ST6GALNAC3: variants seen among roughly 807,000 people sequenced by gnomAD.
ST6GALNAC3 encodes ST6 N-acetylgalactosaminide alpha-2,6-sialyltransferase 3, also known as alpha-N-acetylgalactosaminide alpha-2,6-sialyltransferase 3.
ST6GALNAC3 carries 25 observed loss-of-function variants against 32.7 expected under a neutral mutation model. That is an observed-to-expected ratio of 0.76 (90% CI 0.56 to 1.07). The LOEUF (loss-of-function observed/expected upper bound fraction) is 1.07, where lower values mean the gene tolerates loss of function less well. ST6GALNAC3 is among the 50% of genes least tolerant of loss of function. The probability of loss-of-function intolerance (pLI) is 0.00; values close to 1 mark genes in which losing one functional copy is unlikely to be tolerated. For synonymous variants in ST6GALNAC3, 129 were observed against 133.1 expected (o/e 0.97, Z 0.21); for missense variants, 355 against 382.4 (o/e 0.93, Z 0.60).
intron 2 of ST6GALNAC3, among the ~76,000 whole-genome samples, chr1:76,381,024 C>G (rs1651662734): frequency 6.6e-6 from 1 of 151,870 alleles, no homozygotes; most frequent in South Asian, 2.1e-4. Flanking sequence ...GTGTGTAACT[C>G]AGGAGTGTCA....
At position 76,408,417 on chromosome 1, in the gene ST6GALNAC3, C is replaced by A. The variant is rs377151134; in HGVS notation, c.214-3591C>A. Among the ~76,000 whole-genome samples the A allele has an allele frequency of 3.9e-5, 6 of 152,040 alleles. No individual in the cohort carries two copies. In the East Asian group the frequency reaches 9.6e-4, roughly 24 times the overall value. On this transcript the variant is annotated intron_variant, in intron 2 of 4. Coordinates refer to ENST00000328299, the MANE Select transcript of ST6GALNAC3 (RefSeq NM_152996.4). ...ACAAAGTGGCAATTTTATAGATCAC[C>A]ATCTACCCTCAAAGCCGTTGCATTC...
At chr1:76,200,318 G>A (rs528717660) in intron 1 of ST6GALNAC3, among the ~76,000 whole-genome samples, 2 of 152,232 alleles carry the variant, frequency 1.3e-5, no homozygotes, top group East Asian at 3.9e-4. Context: ...GAATGAATGG[G>A]GAGAAGCAAA....
chr1:76,204,870 G>A (rs1436437713), intron 1 of ST6GALNAC3, among the ~76,000 whole-genome samples: 1 of 152,264 alleles, frequency 6.6e-6, no homozygotes, highest in East Asian at 1.9e-4. Context: ...AATAGCCTTG[G>A]ATTCTTATAT....
chr1:76,122,094 A>G (rs1280132539), intron 1 of ST6GALNAC3, among the ~76,000 whole-genome samples: 1 of 152,122 alleles, frequency 6.6e-6, no homozygotes, highest in African/African-American at 2.4e-5. Flanking sequence ...ACGACTGACC[A>G]TGTATTGTGT....
At chr1:76,290,637 G>T (rs1660031229) in intron 1 of ST6GALNAC3, among the ~76,000 whole-genome samples, 1 of 152,192 alleles carries the variant, frequency 6.6e-6, no homozygotes, top group Non-Finnish European at 1.5e-5. Flanking sequence ...TCCAGGACCA[G>T]AAGCCAGGTC....
intron 1 of ST6GALNAC3, among the ~76,000 whole-genome samples, chr1:76,188,408 T>G (rs1294870210): frequency 2.0e-5 from 3 of 152,204 alleles, no homozygotes; most frequent in African/African-American, 7.2e-5. Flanking sequence ...TGAAAATGAT[T>G]ATTATAGTGT....
At chr1:76,421,874 C>T (rs1243476844) in intron 3 of ST6GALNAC3, among the ~76,000 whole-genome samples, 1 of 151,856 alleles carries the variant, frequency 6.6e-6, no homozygotes, top group African/African-American at 2.4e-5. Flanking sequence ...CCTCCATTTT[C>T]CTTAGAATAA....
intron 3 of ST6GALNAC3, among the ~76,000 whole-genome samples, chr1:76,504,205 T>A (rs1661339760): frequency 6.6e-6 from 1 of 152,196 alleles, no homozygotes; most frequent in African/African-American, 2.4e-5. Flanking sequence ...GGCTGCTGAC[T>A]ACACCTGGCA....
Position 76,209,185 on chromosome 1 carries a change from G to T in ST6GALNAC3, c.19-104620G>T, listed in dbSNP as rs1489264244. The stretch of plus-strand genomic sequence containing the variant: ...CTAAGTTGCATTGTCTTCAGAGGAG[G>T]TTTTTGAGGTTGTGTCTATTATAAT... On this transcript the variant is annotated intron_variant, in intron 1 of 4. Coordinates refer to ENST00000328299, the MANE Select transcript of ST6GALNAC3 (RefSeq NM_152996.4). Among the ~76,000 whole-genome samples, 3 of 152,302 alleles carry T rather than the reference G, an allele frequency of 2.0e-5. No individual in the cohort carries two copies. In the East Asian group the frequency reaches 5.8e-4, roughly 29 times the overall value.
chr1:76,097,888 A>G lies in ST6GALNAC3; in HGVS notation c.18+23004A>G, dbSNP rs1647162745. Among the ~76,000 whole-genome samples, 2 of 151,830 alleles carry G rather than the reference A, an allele frequency of 1.3e-5. 1 individual carries two copies. Among genetic ancestry groups the G allele is most frequent in the South Asian group, 4.1e-4 (2 of 4,822 alleles). ...GTGGTATTGTTGGGGCATAAGATAT[A>G]TGTTATCTTTGGCCTTAGTAGTATA... On this transcript the variant is annotated intron_variant, in intron 1 of 4. Transcript: ENST00000328299.
rs11801997 is a variant in ST6GALNAC3, at chr1:76,592,742, C to T, written c.624-34710C>T. Among the ~76,000 whole-genome samples, 885 of 152,258 alleles carry T rather than the reference C, an allele frequency of 5.8e-3. 6 individuals carry two copies. Among genetic ancestry groups the T allele is most frequent in the African/African-American group, 0.02 (835 of 41,536 alleles). On this transcript the variant is annotated intron_variant, in intron 3 of 4. Transcript: ENST00000328299. Reference sequence around the variant, plus strand: ...ATTCCTGCTCTTGCTCAGCCGTTCTCCCTTGACAAACTAGCTATCATATCA... The same window carrying T: ...ATTCCTGCTCTTGCTCAGCCGTTCTTCCTTGACAAACTAGCTATCATATCA...
chr1:76,555,659 G>T (rs1437555951), intron 3 of ST6GALNAC3, among the ~76,000 whole-genome samples: 1 of 152,092 alleles, frequency 6.6e-6, no homozygotes, highest in African/African-American at 2.4e-5. Flanking sequence ...TTGATAGACT[G>T]AAGAACGAGT....
intron 3 of ST6GALNAC3, among the ~76,000 whole-genome samples, chr1:76,595,822 C>T (rs7521965): frequency 0.079 from 11,965 of 152,130 alleles, 919 homozygotes; most frequent in East Asian, 0.23. Context: ...GATTTGATCT[C>T]TCTTTTACCC....
At position 76,337,155 on chromosome 1, in the gene ST6GALNAC3, C is replaced by A. The variant is rs558178987; in HGVS notation, c.213+23156C>A. ...CTCTCTCATTTCTCCTAGATCCGCC[C>A]CCTCATGTTGCTTAAGCAAAAGCAG... On this transcript the variant is annotated intron_variant, in intron 2 of 4. Transcript: ENST00000328299. 1.4e-4 allele frequency among the ~76,000 whole-genome samples: 21 copies of A among 152,278 alleles called. No individual in the cohort carries two copies. The East Asian group carries it at 4.1e-3, about 30-fold the overall frequency.
chr1:76,573,361 T>C (rs1238785746), intron 3 of ST6GALNAC3, among the ~76,000 whole-genome samples: 2 of 152,086 alleles, frequency 1.3e-5, no homozygotes, highest in African/African-American at 4.8e-5. Context: ...CAAATCTCAT[T>C]GTTGATTGGC....
At chr1:76,222,523 G>A (rs1655831487) in intron 1 of ST6GALNAC3, among the ~76,000 whole-genome samples, 1 of 152,094 alleles carries the variant, frequency 6.6e-6, no homozygotes, top group Non-Finnish European at 1.5e-5. Context: ...CTAATATTCA[G>A]TATGTATAAG....
chr1:76,602,818 G>A (rs1248701299), intron 3 of ST6GALNAC3, among the ~76,000 whole-genome samples: 2 of 151,792 alleles, frequency 1.3e-5, no homozygotes, highest in Non-Finnish European at 2.9e-5. Context: ...ACAAGCCACA[G>A]TAGGAGGAAA....
At chr1:76,249,001 C>A (rs1657464294) in intron 1 of ST6GALNAC3, among the ~76,000 whole-genome samples, 1 of 152,182 alleles carries the variant, frequency 6.6e-6, no homozygotes, top group African/African-American at 2.4e-5. Context: ...TCCCCTCTTA[C>A]TTTCTGAATG....
At chr1:76,405,004 A>C (rs565050625) in intron 2 of ST6GALNAC3, among the ~76,000 whole-genome samples, 2 of 152,256 alleles carry the variant, frequency 1.3e-5, no homozygotes, top group South Asian at 4.1e-4. Context: ...TTAGACTTCA[A>C]GATATCAAAT....
Sources: allele counts gnomAD v4.1 joint callset (sites outside exome capture counted in the v4.1 genomes callset), GRCh38; gene constraint gnomAD v4.1.1; transcripts MANE v1.5; gene names NCBI Gene and HGNC (gene_info 2026-07-23, HGNC 2026-07-21).